The following CSMD1 variants were observed in gnomAD, a reference collection of about 807,000 sequenced individuals.
CSMD1 encodes the protein CUB and Sushi multiple domains 1, also known as CUB and sushi domain-containing protein 1.
A neutral mutation model predicts 417.5 loss-of-function variants in CSMD1; 213 were observed. The observed-to-expected ratio is 0.51, with a 90% CI of 0.46 to 0.57. The LOEUF is 0.57. Ranked by LOEUF, CSMD1 falls within the 20% of genes least tolerant of loss-of-function variation. The pLI, the probability that CSMD1 is intolerant of heterozygous loss-of-function variation, is 0.00. For synonymous variants in CSMD1, 2,862 were observed against 1,736.8 expected (o/e 1.65, Z -16.11); for missense variants, 6,923 against 4,529.7 (o/e 1.53, Z -15.17).
intron 41 of CSMD1, among the ~76,000 whole-genome samples, chr8:3,129,349 C>A (rs1346518892): frequency 6.6e-6 from 1 of 152,190 alleles, no homozygotes; most frequent in African/African-American, 2.4e-5. Flanking sequence ...CCTACATGGG[C>A]TTTTTGCAGG....
At chr8:4,030,017 G>C (rs1380277469) in intron 4 of CSMD1, among the ~76,000 whole-genome samples, 4 of 152,310 alleles carry the variant, frequency 2.6e-5, no homozygotes, top group South Asian at 2.1e-4. Context: ...GCTGATGCAA[G>C]AGGTGAGCTC....
chr8:4,700,823 A>G (rs944463186), intron 1 of CSMD1, among the ~76,000 whole-genome samples: 1 of 152,220 alleles, frequency 6.6e-6, no homozygotes, highest in Admixed American at 6.5e-5. Context: ...AGAGCATGAA[A>G]AAAAGGTAAC....
intron 1 of CSMD1, among the ~76,000 whole-genome samples, chr8:4,980,167 G>T (rs539453018): frequency 2.0e-5 from 3 of 152,324 alleles, no homozygotes; most frequent in African/African-American, 4.8e-5. Context: ...CACACAGAGA[G>T]TTCTGTGTCA....
At chr8:3,989,056 G>C (rs1467326034) in intron 5 of CSMD1, among the ~76,000 whole-genome samples, 1 of 152,106 alleles carries the variant, frequency 6.6e-6, no homozygotes, top group Non-Finnish European at 1.5e-5. Context: ...TTCATTGTAG[G>C]GCAGAAATCT....
chr8:3,982,518 G>C (rs1045262984), intron 5 of CSMD1, among the ~76,000 whole-genome samples: 1 of 151,948 alleles, frequency 6.6e-6, no homozygotes, highest in African/African-American at 2.4e-5. Context: ...TAAATTATGT[G>C]CATACCATTT....
intron 3 of CSMD1, among the ~76,000 whole-genome samples, chr8:4,098,601 G>A (rs571937469): frequency 6.6e-6 from 1 of 151,990 alleles, no homozygotes; most frequent in Non-Finnish European, 1.5e-5. Context: ...CCCTCTCTAA[G>A]GTTCAAATAA....
At chr8:3,723,642 T>A (rs1263599607) in intron 6 of CSMD1, among the ~76,000 whole-genome samples, 1 of 140,816 alleles carries the variant, frequency 7.1e-6, no homozygotes, top group Middle Eastern at 3.3e-3. Context: ...AAGTAGTGTC[T>A]GTCTTTGTAA....
chr8:2,989,402 G>C (rs1470211790), intron 54 of CSMD1, among the ~76,000 whole-genome samples: 1 of 152,208 alleles, frequency 6.6e-6, no homozygotes, highest in Non-Finnish European at 1.5e-5. Flanking sequence ...CAGGCAGACA[G>C]CTAGGGATGA....
intron 3 of CSMD1, among the ~76,000 whole-genome samples, chr8:4,297,656 G>T (rs554423781): frequency 6.6e-6 from 1 of 152,240 alleles, no homozygotes; most frequent in African/African-American, 2.4e-5. Context: ...CTAGGGTTTG[G>T]ATTTTGACTA....
At chr8:4,929,366 C>G (rs1053992414) in intron 1 of CSMD1, among the ~76,000 whole-genome samples, 4 of 152,114 alleles carry the variant, frequency 2.6e-5, no homozygotes, top group Non-Finnish European at 5.9e-5. Flanking sequence ...GCAGCCCCAG[C>G]AAGGACTACA....
intron 5 of CSMD1, among the ~76,000 whole-genome samples, chr8:3,828,610 C>T (rs1802191803): frequency 6.6e-6 from 1 of 152,150 alleles, no homozygotes; most frequent in Non-Finnish European, 1.5e-5. Flanking sequence ...TCTTCCATTT[C>T]TTCCTGTCCC....
intron 5 of CSMD1, among the ~76,000 whole-genome samples, chr8:3,847,663 A>G (rs2954212): frequency 0.18 from 27,260 of 151,924 alleles, 2,732 homozygotes; most frequent in East Asian, 0.4. Context: ...CAGCTGCTGC[A>G]TTTCTGGTCA....
intron 3 of CSMD1, among the ~76,000 whole-genome samples, chr8:4,200,273 T>C (rs1211306434): frequency 1.3e-5 from 2 of 152,174 alleles, no homozygotes; most frequent in Non-Finnish European, 2.9e-5. Flanking sequence ...AATTACCTTT[T>C]TTCAGAGGAT....
rs975150083 is a variant in CSMD1 at position 3,284,016 on chromosome 8, A to G, written c.4153+128T>C. The G allele has an allele frequency of 2.8e-5, 23 of 828,380 alleles. No individual in the cohort carries two copies. In the African/African-American group the frequency reaches 3.4e-4, roughly 12 times the overall value. The allele number at this position is 828,380 out of a possible 1,614,324, so 51.3% of individuals were successfully genotyped here. Reference sequence around the variant, plus strand: ...TCTTCTCTGCAACATGCATTTTCCTAACTTCAAATTAGGCTCAATAAATTG... The same window carrying G: ...TCTTCTCTGCAACATGCATTTTCCTGACTTCAAATTAGGCTCAATAAATTG... On this transcript the variant is annotated intron_variant, in intron 26 of 69. Transcript: ENST00000635120.
rs565546482 is a variant in CSMD1, at chr8:3,350,617, G to C, written c.3305-2456C>G. ...GAGTAACACAAGTTTAAATGTTCAA[G>C]AAAAAAGTGTCTTCTTAAGGACTTT... On this transcript the variant is annotated intron_variant, in intron 21 of 69. Transcript: ENST00000635120. 2.0e-5 allele frequency among the ~76,000 whole-genome samples: 3 copies of C among 152,128 alleles called. No homozygotes were observed. The South Asian group carries it at 6.2e-4, about 32-fold the overall frequency.
At chr8:3,944,068 T>G (rs1215535725) in intron 5 of CSMD1, among the ~76,000 whole-genome samples, 2 of 152,150 alleles carry the variant, frequency 1.3e-5, no homozygotes, top group Non-Finnish European at 2.9e-5. Context: ...CTCAACTATT[T>G]CAAGAAAAAT....
intron 5 of CSMD1, among the ~76,000 whole-genome samples, chr8:3,761,705 C>G (rs906390335): frequency 6.6e-6 from 1 of 151,944 alleles, no homozygotes; most frequent in African/African-American, 2.4e-5. Context: ...GAGGTTTCAC[C>G]ATGTTGGCCA....
intron 1 of CSMD1, among the ~76,000 whole-genome samples, chr8:4,741,733 T>A (rs940385130): frequency 6.6e-6 from 1 of 152,140 alleles, no homozygotes; most frequent in Non-Finnish European, 1.5e-5. Context: ...ACATAGTAGC[T>A]TGTTAGAAGT....
At chr8:4,130,641 T>G (rs1223992473) in intron 3 of CSMD1, among the ~76,000 whole-genome samples, 3 of 152,172 alleles carry the variant, frequency 2.0e-5, no homozygotes, top group Non-Finnish European at 4.4e-5. Context: ...CCTTGTGAAC[T>G]TGTGACTTTG....
Sources: gnomAD v4.1 joint callset for allele counts (sites outside exome capture counted in the v4.1 genomes callset) on GRCh38, gnomAD v4.1.1 for gene constraint, MANE v1.5 for transcripts, NCBI Gene and HGNC (gene_info 2026-07-23, HGNC 2026-07-21) for gene names.